QTMAN: variants seen among roughly 807,000 people sequenced by gnomAD.
QTMAN encodes queuosine-tRNA mannosyltransferase.
At chr2:144,212,192 G>A in the QTMAN span, among the ~76,000 whole-genome samples, 1 of 152,202 alleles carries the variant, frequency 6.6e-6, no homozygotes, top group Admixed American at 6.5e-5. Flanking sequence ...GCTGGGTACG[G>A]TGGCTCACGC....
chr2:144,327,742 T>A, the QTMAN span, among the ~76,000 whole-genome samples: 2 of 151,880 alleles, frequency 1.3e-5, no homozygotes, highest in African/African-American at 2.4e-5. Context: ...CACCTACCTA[T>A]GGATAAGAAT....
chr2:143,983,100 T>C, the QTMAN span, among the ~76,000 whole-genome samples: 7 of 152,130 alleles, frequency 4.6e-5, no homozygotes, highest in Admixed American at 2.0e-4. Flanking sequence ...TAAAGCTTAG[T>C]TGAAAGAGGG....
At chr2:144,076,788 TG>T in the QTMAN span, among the ~76,000 whole-genome samples, 58 of 152,282 alleles carry the variant, frequency 3.8e-4, no homozygotes, top group African/African-American at 1.3e-3. Flanking sequence ...TGTTTTATAC[TG>T]TGCTATCAAG....
At chr2:144,070,131 C>T in the QTMAN span, among the ~76,000 whole-genome samples, 1 of 152,028 alleles carries the variant, frequency 6.6e-6, no homozygotes, top group Non-Finnish European at 1.5e-5. Context: ...TTGAAATTCT[C>T]AAAAATATCT....
the QTMAN span, among the ~76,000 whole-genome samples, chr2:144,116,333 GGTGTGTGTGTGTGCATGT>G: frequency 2.0e-5 from 3 of 146,778 alleles, no homozygotes; most frequent in African/African-American, 7.5e-5. Flanking sequence ...TTATGTGAGG[GGTGTGTGTGTGTGCATGT>G]GTGTGTGTGT....
At chr2:144,073,546 A>G in the QTMAN span, among the ~76,000 whole-genome samples, 3 of 152,208 alleles carry the variant, frequency 2.0e-5, no homozygotes, top group South Asian at 6.2e-4. Context: ...GAAGTTCTGC[A>G]TAGCCCTTTC....
chr2:144,077,774 A>C, the QTMAN span, among the ~76,000 whole-genome samples: 1 of 152,226 alleles, frequency 6.6e-6, no homozygotes, highest in Non-Finnish European at 1.5e-5. Context: ...GTTTATAAAA[A>C]GACACAAAGT....
chr2:144,109,546 G>A, the QTMAN span, among the ~76,000 whole-genome samples: 2 of 152,136 alleles, frequency 1.3e-5, no homozygotes, highest in African/African-American at 2.4e-5. Flanking sequence ...ATTGACAAAT[G>A]GGATCTAATT....
the QTMAN span, among the ~76,000 whole-genome samples, chr2:144,262,721 G>GGAGGGGAGGGGAGGGGAGGA: frequency 2.2e-5 from 1 of 45,134 alleles, no homozygotes; most frequent in Non-Finnish European, 4.5e-5. Flanking sequence ...AAGAGGGAGG[G>GGAGGGGAGGGGAGGGGAGGA]GAGGGGAGGG....
chr2:144,284,933 C>CT, the QTMAN span, among the ~76,000 whole-genome samples: 4,842 of 128,358 alleles, frequency 0.038, 300 homozygotes, highest in African/African-American at 0.13. Flanking sequence ...GGAGGCCAAA[C>CT]TTTTTTTTTT....
chr2:143,971,052 GTA>G, the QTMAN span, among the ~76,000 whole-genome samples: 1 of 151,758 alleles, frequency 6.6e-6, no homozygotes, highest in Non-Finnish European at 1.5e-5. Context: ...ACTACAGAAA[GTA>G]TAGTGTATTT....
the QTMAN span, among the ~76,000 whole-genome samples, chr2:144,104,467 G>A: frequency 3.3e-5 from 5 of 152,146 alleles, no homozygotes; most frequent in Admixed American, 6.6e-5. Flanking sequence ...TATATCCTGC[G>A]CCTGGCTTGG....
the QTMAN span, among the ~76,000 whole-genome samples, chr2:144,269,909 A>G: frequency 6.6e-6 from 1 of 151,968 alleles, no homozygotes; most frequent in Non-Finnish European, 1.5e-5. Context: ...AGAAATATAA[A>G]TTACATTTGT....
chr2:144,128,539 T>C, the QTMAN span, among the ~76,000 whole-genome samples: 3 of 152,064 alleles, frequency 2.0e-5, no homozygotes, highest in Non-Finnish European at 4.4e-5. Context: ...TGACTAATCC[T>C]ATTCTACTAA....
the QTMAN span, among the ~76,000 whole-genome samples, chr2:144,299,709 GAA>G: frequency 6.6e-6 from 1 of 152,192 alleles, no homozygotes; most frequent in Admixed American, 6.5e-5. Flanking sequence ...AGCCACTATG[GAA>G]AAGAGTATAG....
the QTMAN span, among the ~76,000 whole-genome samples, chr2:144,153,032 G>C: frequency 6.6e-6 from 1 of 152,124 alleles, no homozygotes; most frequent in African/African-American, 2.4e-5. Context: ...AAGAGGCCCA[G>C]GTCCTGAGTT....
the QTMAN span, among the ~76,000 whole-genome samples, chr2:144,081,684 A>G: frequency 1.3e-5 from 2 of 152,054 alleles, no homozygotes; most frequent in Admixed American, 1.3e-4. Context: ...AAGAGGGAAG[A>G]CCTGCGGGGA....
chr2:144,281,179 G>A, the QTMAN span, among the ~76,000 whole-genome samples: 1 of 150,972 alleles, frequency 6.6e-6, no homozygotes, highest in Non-Finnish European at 1.5e-5. Flanking sequence ...TGTTGCCTGG[G>A]AGAGAGTGAA....
chr2:143,976,117 G>C, the QTMAN span, among the ~76,000 whole-genome samples: 1 of 152,102 alleles, frequency 6.6e-6, no homozygotes, highest in African/African-American at 2.4e-5. Context: ...ACACAGAAGA[G>C]ACTGGGTCTG....
Sources: gnomAD v4.1 joint callset for allele counts (sites outside exome capture counted in the v4.1 genomes callset) on GRCh38, gnomAD v4.1.1 for gene constraint, MANE v1.5 for transcripts, NCBI Gene and HGNC (gene_info 2026-07-23, HGNC 2026-07-21) for gene names.